Variants in CPS1 observed in about 807,000 individuals in gnomAD.
The protein encoded by CPS1 is carbamoyl-phosphate synthase [ammonia], mitochondrial.
CPS1 carries 109 observed loss-of-function variants against 174.6 expected under a neutral mutation model. That is an observed-to-expected ratio of 0.62 (90% CI 0.53 to 0.73). The LOEUF (loss-of-function observed/expected upper bound fraction) is 0.73. Ranked by LOEUF, CPS1 falls within the 30% of genes least tolerant of loss-of-function variation. The pLI, the probability that CPS1 is intolerant of heterozygous loss-of-function variation, is 0.00. For missense variants in CPS1, 1,689 were observed against 1,821.9 expected (o/e 0.93, Z 1.33); for synonymous variants, 637 against 632.0 (o/e 1.01, Z -0.12).
At chr2:210,577,202 C>G (rs1172967190) in intron 3 of CPS1, 1 of 571,898 alleles carries the variant, frequency 1.7e-6, no homozygotes, top group Non-Finnish European at 3.1e-6. Flanking sequence ...TCAGGATTTA[C>G]CAAGCCAGGT....
In CPS1 at chr2:210,556,630, GAC is replaced by G; in HGVS notation, c.-103_-102del. On this transcript the variant is annotated 5_prime_UTR_variant, in exon 1 of 38. Transcript: ENST00000233072. ...CGCTGTGCAGTCAGCCTTAAACACT[GAC>G]TGCACCCCTCCCAGATTTCTTTTAC... The G allele has an allele frequency of 3.4e-5, 53 of 1,557,618 alleles. 2 individuals carry two copies. The South Asian group carries it at 6.3e-4, about 18-fold the overall frequency.
intron 21 of CPS1, among the ~76,000 whole-genome samples, chr2:210,626,558 T>C (rs1039743028): frequency 1.3e-5 from 2 of 152,200 alleles, no homozygotes; most frequent in Non-Finnish European, 2.9e-5. Flanking sequence ...CTGAATAAAC[T>C]GTTTTTTAAT....
intron 5 of CPS1, among the ~76,000 whole-genome samples, chr2:210,581,489 T>C (rs1697921449): frequency 6.6e-6 from 1 of 152,142 alleles, no homozygotes; most frequent in South Asian, 2.1e-4. Context: ...ATTTGAAAAG[T>C]AAGATCGTAT....
intron 21 of CPS1, among the ~76,000 whole-genome samples, chr2:210,622,629 G>A (rs1263730935): frequency 6.6e-6 from 1 of 151,688 alleles, no homozygotes; most frequent in African/African-American, 2.4e-5. Context: ...GACTCCCCTT[G>A]CTATAAGTAT....
chr2:210,657,820 C>T (rs1016383596), intron 30 of CPS1, among the ~76,000 whole-genome samples: 5 of 151,990 alleles, frequency 3.3e-5, no homozygotes, highest in African/African-American at 1.2e-4. Flanking sequence ...ATAGCAGAAG[C>T]ATTAAAGAAA....
At chr2:210,515,986 G>A (rs1695673659) in intron 1 of CPS1, among the ~76,000 whole-genome samples, 1 of 151,732 alleles carries the variant, frequency 6.6e-6, no homozygotes, top group African/African-American at 2.4e-5. Context: ...GGAGCAGGGT[G>A]TTATTAATTT....
At chr2:210,556,928 C>T in intron 1 of CPS1, 69 bp downstream of exon 1, 1 of 1,545,062 alleles carries the variant, frequency 6.5e-7, no homozygotes, top group Non-Finnish European at 8.9e-7. Context: ...GCAAAGGTGT[C>T]CCTTACAAGG....
rs183958780 is a variant in CPS1, at chr2:210,669,584, T to G, written c.4101+1300T>G. Among the ~76,000 whole-genome samples, 428 of 152,266 alleles carry G rather than the reference T, an allele frequency of 2.8e-3. 4 individuals carry two copies. The highest frequency in any genetic ancestry group is 0.026 in the Admixed American group (391 of 15,286). On this transcript the variant is annotated intron_variant, in intron 34 of 37. Transcript: ENST00000233072. Reference sequence around the variant, plus strand: ...TTACAGGTAGTGGCTTTGGAGAAGTTTCTGCAAAGAGTAACTTGGGATTTT... The same window carrying G: ...TTACAGGTAGTGGCTTTGGAGAAGTGTCTGCAAAGAGTAACTTGGGATTTT...
At chr2:210,527,268 T>G (rs1222425541) in intron 1 of CPS1, among the ~76,000 whole-genome samples, 1 of 151,906 alleles carries the variant, frequency 6.6e-6, no homozygotes, top group African/African-American at 2.4e-5. Flanking sequence ...TGCAATTTAC[T>G]TTTCTTACAT....
chr2:210,575,962 T>A (rs953157018), intron 2 of CPS1, among the ~76,000 whole-genome samples: 1 of 152,112 alleles, frequency 6.6e-6, no homozygotes, highest in Admixed American at 6.6e-5. Flanking sequence ...ACAGTAAATA[T>A]CAGTTTGGGC....
At position 210,602,594 on chromosome 2, in the gene CPS1, A is replaced by G. The variant is rs1048190173; in HGVS notation, c.1836+264A>G. Among the ~76,000 whole-genome samples, 4 of 151,932 alleles carry G rather than the reference A, an allele frequency of 2.6e-5. No homozygotes were observed. In the East Asian group the frequency reaches 7.8e-4, roughly 30 times the overall value. ...AAATTCCACTTTTATAGTACAATCTATTGACTTCAAGGAGATGAACTTAAT... is the reference window on the plus strand; with the variant it reads ...AAATTCCACTTTTATAGTACAATCTGTTGACTTCAAGGAGATGAACTTAAT... On this transcript the variant is annotated intron_variant, in intron 16 of 37. Transcript: ENST00000233072.
intron 1 of CPS1, among the ~76,000 whole-genome samples, chr2:210,568,871 C>G (rs1247135920): frequency 1.3e-5 from 2 of 151,690 alleles, no homozygotes; most frequent in Non-Finnish European, 2.9e-5. Context: ...AAATTATATG[C>G]AGTGTAAGAT....
At chr2:210,519,203 C>T (rs1380487254) in intron 1 of CPS1, among the ~76,000 whole-genome samples, 2 of 152,010 alleles carry the variant, frequency 1.3e-5, no homozygotes, top group African/African-American at 2.4e-5. Context: ...CTATTTAATA[C>T]TTTAATTCAA....
At position 210,616,462 on chromosome 2, in the gene CPS1, C is replaced by T. The variant is rs1271336229; in HGVS notation, c.2608C>T (p.Leu870Phe). 1 of 1,612,304 alleles carries T rather than the reference C, an allele frequency of 6.2e-7. No individual in the cohort carries two copies. Among genetic ancestry groups the T allele is most frequent in the South Asian group, 1.1e-5 (1 of 91,048 alleles). ...CATGTCCCTTGATGAGATTGAGAAGCTCACATACATTGACAAGTGGTTTTT... is the reference window on the plus strand; with the variant it reads ...CATGTCCCTTGATGAGATTGAGAAGTTCACATACATTGACAAGTGGTTTTT... ...DNMSLDEIEK[L>F]TYIDKWFLYK... The change falls in exon 21 of 38, where the codon CTC (leucine) becomes TTC (phenylalanine). Residue 870 changes from leucine to phenylalanine, a missense_variant. By Grantham distance (22) the Leu-to-Phe change is conservative. Coordinates refer to ENST00000233072, the MANE Select transcript of CPS1 (RefSeq NM_001875.5).
chr2:210,630,271 T>G (rs982719791), intron 21 of CPS1, among the ~76,000 whole-genome samples: 5 of 152,194 alleles, frequency 3.3e-5, no homozygotes, highest in African/African-American at 1.2e-4. Flanking sequence ...AATATCATGA[T>G]ATTTCTGGAT....
intron 33 of CPS1, among the ~76,000 whole-genome samples, chr2:210,666,177 G>GT (rs1347443054): frequency 6.6e-6 from 1 of 151,420 alleles, no homozygotes; most frequent in Non-Finnish European, 1.5e-5. Flanking sequence ...GGGGTTGTTT[G>GT]TTTTTTTCTT....
intron 1 of CPS1, among the ~76,000 whole-genome samples, chr2:210,489,825 C>T (rs536753272): frequency 7.9e-5 from 12 of 151,876 alleles, no homozygotes; most frequent in African/African-American, 2.9e-4. Flanking sequence ...GGTGAAACCC[C>T]GTCTCTACTG....
chr2:210,616,027 G>A (rs1699293090), intron 20 of CPS1, among the ~76,000 whole-genome samples: 1 of 152,008 alleles, frequency 6.6e-6, no homozygotes, highest in Non-Finnish European at 1.5e-5. Flanking sequence ...TACAAGTTAA[G>A]AGATCATTAT....
intron 2 of CPS1, among the ~76,000 whole-genome samples, chr2:210,575,142 A>T (rs1468988677): frequency 6.6e-6 from 1 of 152,064 alleles, no homozygotes; most frequent in African/African-American, 2.4e-5. Flanking sequence ...CCCTCGAGTC[A>T]CCTTAGGGAT....
Sources: gnomAD v4.1 joint callset for allele counts (sites outside exome capture counted in the v4.1 genomes callset) on GRCh38, gnomAD v4.1.1 for gene constraint, MANE v1.5 for transcripts, NCBI Gene and HGNC (gene_info 2026-07-23, HGNC 2026-07-21) for gene names.